Variants in PCDHGB3 observed in about 807,000 individuals in gnomAD.
PCDHGB3 encodes the protein protocadherin gamma-B3.
A neutral mutation model predicts 59.2 loss-of-function variants in PCDHGB3; 40 were observed. The observed-to-expected ratio is 0.68, with a 90% CI of 0.52 to 0.88. PCDHGB3 has a LOEUF of 0.88. Among genes scored for constraint, PCDHGB3 ranks in the 40% least tolerant of loss-of-function variants. PCDHGB3 has a pLI of 0.00. For synonymous variants in PCDHGB3, 581 were observed against 503.6 expected (o/e 1.15, Z -2.06); for missense variants, 1,309 against 1,187.9 (o/e 1.10, Z -1.50).
intron 1 of PCDHGB3, chr5:141,409,623 T>G: frequency 6.2e-7 from 1 of 1,613,854 alleles, no homozygotes; most frequent in Non-Finnish European, 8.5e-7. Context: ...ATTGCGCAAG[T>G]GAGCGCCTCT....
chr5:141,393,981 T>G, intron 1 of PCDHGB3: 3 of 1,613,792 alleles, frequency 1.9e-6, no homozygotes, highest in Non-Finnish European at 2.5e-6. Flanking sequence ...ACGTGATAAT[T>G]TACCTTTTAA....
At chr5:141,401,856 T>C (rs778189763) in intron 1 of PCDHGB3, among the ~76,000 whole-genome samples, 2 of 152,228 alleles carry the variant, frequency 1.3e-5, no homozygotes, top group Non-Finnish European at 2.9e-5. Context: ...ACTTTTAACC[T>C]TTCAGTAGTT....
chr5:141,414,572 C>T, intron 1 of PCDHGB3: 1 of 1,613,960 alleles, frequency 6.2e-7, no homozygotes, highest in Non-Finnish European at 8.5e-7. Context: ...ACCTATATCC[C>T]AGAGAACAAC....
intron 2 of PCDHGB3, among the ~76,000 whole-genome samples, chr5:141,501,015 C>T (rs950216755): frequency 6.6e-5 from 10 of 151,866 alleles, no homozygotes; most frequent in African/African-American, 2.4e-4. Context: ...ACTACAGGCA[C>T]GCGCCACCAC....
At chr5:141,427,570 C>G (rs1487817661) in intron 1 of PCDHGB3, 8 of 662,270 alleles carry the variant, frequency 1.2e-5, no homozygotes, top group Non-Finnish European at 2.2e-5. Flanking sequence ...GGCAAGCCTC[C>G]GCTCTCATCC....
At chr5:141,379,918 T>C (rs1175326393) in intron 1 of PCDHGB3, among the ~76,000 whole-genome samples, 1 of 119,530 alleles carries the variant, frequency 8.4e-6, no homozygotes, top group Non-Finnish European at 1.7e-5. Context: ...TTTTTTTTTT[T>C]TGTCAGAGTC....
intron 1 of PCDHGB3, chr5:141,416,276 A>G (rs553989511): frequency 6.6e-6 from 1 of 152,388 alleles, no homozygotes; most frequent in East Asian, 1.9e-4. Context: ...TTTTGCATAC[A>G]ATTCTCTAAT....
chr5:141,422,883 C>A, intron 1 of PCDHGB3: 1 of 1,614,242 alleles, frequency 6.2e-7, no homozygotes, highest in Non-Finnish European at 8.5e-7. Flanking sequence ...TGAGCCTGTT[C>A]GTGCTGGACC....
chr5:141,420,135 A>T (rs2096469364), intron 1 of PCDHGB3: 1 of 1,614,026 alleles, frequency 6.2e-7, no homozygotes. Flanking sequence ...GTGCCTGGGG[A>T]TCAAATGAAT....
Position 141,487,686 on chromosome 5 carries a change from T to G in PCDHGB3, c.2416-7121T>G, listed in dbSNP as rs778973495. The G allele has an allele frequency of 4.4e-6, 7 of 1,605,914 alleles. 1 individual carries two copies. The African/African-American group carries it at 9.4e-5, about 21-fold the overall frequency. On this transcript the variant is annotated intron_variant, in intron 1 of 3. Coordinates refer to ENST00000576222, the MANE Select transcript of PCDHGB3 (RefSeq NM_018924.5). The surrounding 1 kb of genome is among the most constrained non-coding windows in gnomAD (Gnocchi z 5.0). Reference sequence around the variant, plus strand: ...CCAGGCATATGGCTAGGCCATGTCCTAGAGAGTACTGGCCTCTCAGTAAGT... The same window carrying G: ...CCAGGCATATGGCTAGGCCATGTCCGAGAGAGTACTGGCCTCTCAGTAAGT...
chr5:141,456,446 T>C (rs1053843910), intron 1 of PCDHGB3, among the ~76,000 whole-genome samples: 2 of 151,782 alleles, frequency 1.3e-5, no homozygotes, highest in Admixed American at 1.3e-4. Context: ...GTATACAGAG[T>C]CCAAATATCA....
At chr5:141,384,811 C>A (rs1273757599) in intron 1 of PCDHGB3, 1 of 1,613,338 alleles carries the variant, frequency 6.2e-7, no homozygotes, top group Admixed American at 1.7e-5. Context: ...CAGAGATGCC[C>A]TCAAGCAGAG....
Position 141,370,600 on chromosome 5 carries a change from T to G in PCDHGB3, c.206T>G (p.Ile69Ser). 6.2e-7 allele frequency: 1 copy of G among 1,613,984 alleles called. No homozygotes were observed. The highest frequency in any genetic ancestry group is 8.5e-7 in the Non-Finnish European group (1 of 1,179,882). The change falls in exon 1 of 4, where the codon ATT becomes AGT. Residue 69 changes from isoleucine to serine, a missense_variant. Ile to Ser is a moderately radical substitution (Grantham distance 142, BLOSUM62 -2). Transcript: ENST00000576222. ...GDLPTRNLRV[I>S]AEKKFFTVSP... ...TTACCTACTAGGAACCTGCGGGTTA[T>G]TGCAGAGAAGAAATTCTTTACCGTG...
chr5:141,431,354 G>C lies in PCDHGB3; in HGVS notation c.2415+58545G>C. 6.2e-7 allele frequency: 1 copy of C among 1,614,036 alleles called. No individual in the cohort carries two copies. Among genetic ancestry groups the C allele is most frequent in the Non-Finnish European group, 8.5e-7 (1 of 1,180,038 alleles). ...GTACCCCGAATTGGTGCTGAAACGC[G>C]CCCTGGACCGCGAAGAAAAGGCTGC... On this transcript the variant is annotated intron_variant, in intron 1 of 3. Transcript: ENST00000576222. This position sits in a 1 kb window ranked among gnomAD's most constrained non-coding sequence, Gnocchi z 4.8.
chr5:141,511,485 C>T lies in PCDHGB3; in HGVS notation c.*312C>T, dbSNP rs1324849800. 1.8e-5 allele frequency: 8 copies of T among 453,300 alleles called. No individual in the cohort carries two copies. The highest frequency in any genetic ancestry group is 1.2e-4 in the African/African-American group (6 of 50,332). The allele number at this position is 453,300 out of a possible 1,614,324, so 28.1% of individuals were successfully genotyped here. A position where few individuals can be genotyped will look rare whatever the true frequency, so the allele number is the denominator to read the frequency against. On this transcript the variant is annotated 3_prime_UTR_variant, in exon 4 of 4. Coordinates refer to ENST00000576222, the MANE Select transcript of PCDHGB3 (RefSeq NM_018924.5). Reference sequence around the variant, plus strand: ...ACCCCGTTTAGTTACAGCTGAACTCCTCCATCTTCCAAATCAATCAGGCCC... The same window carrying T: ...ACCCCGTTTAGTTACAGCTGAACTCTTCCATCTTCCAAATCAATCAGGCCC...
chr5:141,376,050 C>G (rs1342484281), intron 1 of PCDHGB3: 4 of 1,613,234 alleles, frequency 2.5e-6, no homozygotes, highest in Non-Finnish European at 3.4e-6. Flanking sequence ...CCTCTCTCCG[C>G]CACTGTCACG....
chr5:141,384,341 G>A (rs373965421), intron 1 of PCDHGB3: 3 of 1,613,758 alleles, frequency 1.9e-6, no homozygotes, highest in Admixed American at 1.7e-5. Context: ...GACCACGACA[G>A]TGAGGATAAT....
At chr5:141,420,256 TAAG>T (rs749213635) in intron 1 of PCDHGB3, 12 of 1,569,010 alleles carry the variant, frequency 7.6e-6, no homozygotes, top group South Asian at 1.2e-5. Context: ...TTGAAGCAGA[TAAG>T]AAGATTCTTA....
At chr5:141,413,080 A>G (rs2095603656) in intron 1 of PCDHGB3, 3 of 1,298,546 alleles carry the variant, frequency 2.3e-6, no homozygotes, top group Non-Finnish European at 3.2e-6. Context: ...TGCCCAGGCT[A>G]CAGAGACACC....
Sources: gnomAD v4.1 joint callset for allele counts (sites outside exome capture counted in the v4.1 genomes callset) on GRCh38, gnomAD v4.1.1 for gene constraint, Gnocchi (gnomAD v3.1) non-coding constraint, MANE v1.5 for transcripts, NCBI Gene and HGNC (gene_info 2026-07-23, HGNC 2026-07-21) for gene names.